The following URB1 variants were observed in gnomAD, a reference collection of about 807,000 sequenced individuals.
The protein encoded by URB1 is nucleolar pre-ribosomal-associated protein 1.
A neutral mutation model predicts 242.3 loss-of-function variants in URB1; 197 were observed. The ratio of observed to expected loss-of-function variants is 0.81; its 90% confidence interval spans 0.72 to 0.91. The LOEUF is 0.91. Ranked by LOEUF, URB1 falls within the 40% of genes least tolerant of loss-of-function variation. The pLI, the probability that URB1 is intolerant of heterozygous loss-of-function variation, is 0.00. For synonymous variants in URB1, 1,153 were observed against 1,201.8 expected (o/e 0.96, Z 0.84); for missense variants, 2,721 against 2,860.5 (o/e 0.95, Z 1.11).
Position 32,316,772 on chromosome 21 carries a change from C to T in URB1, c.6328G>A (p.Glu2110Lys), listed in dbSNP as rs1429129957. ...GCCTCTGCCCTGCTGAGCGGGTGCT[C>T]GGCCACCGACCGCAGCACCCAACTG... ...AVSWVLRSVA[E>K]HPLSRAEAAG... Residue 2110 changes from glutamate to lysine, a missense_variant, in exon 38 of 39, where the codon GAG becomes AAG. By Grantham distance (56) the Glu-to-Lys change is moderately conservative (BLOSUM62 1). Coordinates refer to ENST00000382751, the MANE Select transcript of URB1 (RefSeq NM_014825.3). The T allele has an allele frequency of 9.0e-6, 14 of 1,549,790 alleles. No homozygotes were observed. In the East Asian group the frequency reaches 2.0e-4, roughly 22 times the overall value.
chr21:32,353,284 T>C (rs2033179907), intron 18 of URB1, among the ~76,000 whole-genome samples: 1 of 152,166 alleles, frequency 6.6e-6, no homozygotes, highest in African/African-American at 2.4e-5. Flanking sequence ...TTCCAGGCCA[T>C]AACACCCCTT....
intron 34 of URB1, 131 bp from the exon 35 acceptor site, chr21:32,320,771 G>A: frequency 1.4e-6 from 1 of 690,810 alleles, no homozygotes; most frequent in Non-Finnish European, 2.5e-6. Flanking sequence ...GCTTTGCTAA[G>A]TCCGTCAGAG....
chr21:32,370,851 G>A (rs1241368983), intron 8 of URB1, among the ~76,000 whole-genome samples: 2 of 152,132 alleles, frequency 1.3e-5, no homozygotes, highest in East Asian at 3.9e-4. Flanking sequence ...GCCCTTTGTA[G>A]AAAAGTTTGC....
rs897283680 is a variant in URB1 at position 32,312,946 on chromosome 21, A to G, written c.*1972T>C. The G allele has an allele frequency of 1.3e-5, 2 of 152,212 alleles. No homozygotes were observed. The highest frequency in any genetic ancestry group is 4.8e-5 in the African/African-American group (2 of 41,446). The allele number at this position is 152,212 out of a possible 1,614,324, so 9.4% of individuals were successfully genotyped here. On this transcript the variant is annotated 3_prime_UTR_variant, in exon 39 of 39. Transcript: ENST00000382751. ...CCATGGGATGAGATTCCCTTCCTCC[A>G]CACTAAGTGACTGGAAAATACACGA... is the stretch of plus-strand genomic sequence containing the variant.
Position 32,312,216 on chromosome 21 carries a change from T to C in URB1, c.*2702A>G, listed in dbSNP as rs1436041534. 3 of 1,455,054 alleles carry C rather than the reference T, an allele frequency of 2.1e-6. No individual in the cohort carries two copies. In the African/African-American group the frequency reaches 4.3e-5, roughly 21 times the overall value. The allele number at this position is 1,455,054 out of a possible 1,614,324, so 90.1% of individuals were successfully genotyped here. On this transcript the variant is annotated 3_prime_UTR_variant, in exon 39 of 39. Transcript: ENST00000382751. Reference sequence around the variant, plus strand: ...TGTTGCTGAGTTTATTGAGCACACCTAGCCTGCTTGCTTACTGCTTATATT... The same window carrying C: ...TGTTGCTGAGTTTATTGAGCACACCCAGCCTGCTTGCTTACTGCTTATATT...
At position 32,372,378 on chromosome 21, in the gene URB1, C is replaced by T; in HGVS notation, c.1001+129G>A. On this transcript the variant is annotated intron_variant, in intron 8 of 38. Coordinates refer to ENST00000382751, the MANE Select transcript of URB1 (RefSeq NM_014825.3). ...GTTCTCTGGGACTACAACTGTTCAA[C>T]CCTGAAACGAGTTAGATAATGTCCA... The T allele has an allele frequency of 5.5e-6, 7 of 1,282,456 alleles. No individual in the cohort carries two copies. In the South Asian group the frequency reaches 9.8e-5, roughly 18 times the overall value. 79.4% of individuals were successfully genotyped at this position (1,282,456 alleles called of 1,614,324 possible). A position where few individuals can be genotyped will look rare whatever the true frequency, so the allele number is the denominator to read the frequency against.
Position 32,316,693 on chromosome 21 carries a change from A to C in URB1, c.6407T>G (p.Val2136Gly), listed in dbSNP as rs1369112625. 1 of 1,551,340 alleles carries C rather than the reference A, an allele frequency of 6.4e-7. No homozygotes were observed. The highest frequency in any genetic ancestry group is 2.4e-5 in the East Asian group (1 of 40,934). Residue 2136 changes from valine to glycine, a missense_variant, in exon 38 of 39, where the codon GTG becomes GGG. Coordinates refer to ENST00000382751, the MANE Select transcript of URB1 (RefSeq NM_014825.3). ...KSHILPHPVV[V>G]ADLLKDSAVR... is the part of the protein sequence containing the mutation. ...GGCACTGTCCTTAAGGAGGTCAGCC[A>C]CGACCACAGGGTGTGGCAAAATATG...
At chr21:32,388,670 T>C (rs1296564378) in intron 1 of URB1, among the ~76,000 whole-genome samples, 4 of 152,198 alleles carry the variant, frequency 2.6e-5, no homozygotes, top group Non-Finnish European at 4.4e-5. Flanking sequence ...GAGTTATGCA[T>C]ACCTACTCTG....
chr21:32,319,927 G>C (rs1021881969), intron 35 of URB1, among the ~76,000 whole-genome samples: 2 of 152,342 alleles, frequency 1.3e-5, no homozygotes, highest in Admixed American at 6.5e-5. Flanking sequence ...ATAGTAGTTA[G>C]TTCTTTGTAA....
chr21:32,386,588 A>G (rs112746936), intron 1 of URB1, among the ~76,000 whole-genome samples: 2 of 152,230 alleles, frequency 1.3e-5, no homozygotes, highest in African/African-American at 2.4e-5. Context: ...CTGAGTGCCA[A>G]TGTGACTCCC....
rs978792234 is a variant in URB1, at chr21:32,366,834, T to G, written c.1198-79A>C. On this transcript the variant is annotated intron_variant, in intron 9 of 38. Coordinates refer to ENST00000382751, the MANE Select transcript of URB1 (RefSeq NM_014825.3). Reference sequence around the variant, plus strand: ...GAGACTAGCTGTAGGCACCCAAAGGTGAAGCCATTCAATCAAATAATTATA... The same window carrying G: ...GAGACTAGCTGTAGGCACCCAAAGGGGAAGCCATTCAATCAAATAATTATA... 71 of 1,444,364 alleles carry G rather than the reference T, an allele frequency of 4.9e-5. No homozygotes were observed. In the African/African-American group the frequency reaches 9.1e-4, roughly 19 times the overall value. 89.5% of individuals were successfully genotyped at this position (1,444,364 alleles called of 1,614,324 possible).
At position 32,340,553 on chromosome 21, in the gene URB1, C is replaced by T. The variant is rs533889666; in HGVS notation, c.4316+913G>A. Among the ~76,000 whole-genome samples, 11 of 152,052 alleles carry T rather than the reference C, an allele frequency of 7.2e-5. No homozygotes were observed. The East Asian group carries it at 7.7e-4, about 11-fold the overall frequency. On this transcript the variant is annotated intron_variant, in intron 25 of 38. Coordinates refer to ENST00000382751, the MANE Select transcript of URB1 (RefSeq NM_014825.3). ...ACTTGAACCTGGGAGACAGATGCTG[C>T]AGTAAGCCGAGATCACACCATTGTA...
chr21:32,368,381 T>C, intron 9 of URB1, 22 bp downstream of exon 9: 5 of 1,515,868 alleles, frequency 3.3e-6, no homozygotes, highest in Non-Finnish European at 4.4e-6. Context: ...CTAACAGACT[T>C]TTAAATATCA....
In URB1 at chr21:32,369,731, T is replaced by C. The variant is rs115363367; in HGVS notation, c.1002-1133A>G. On this transcript the variant is annotated intron_variant, in intron 8 of 38. Coordinates refer to ENST00000382751, the MANE Select transcript of URB1 (RefSeq NM_014825.3). ...GACAAGACAGCACGAGGTCTTTGCA[T>C]GGACCTTCTGCCTTCCCTGTTTCTA... is the stretch of plus-strand genomic sequence containing the variant. Among the ~76,000 whole-genome samples the C allele has an allele frequency of 2.0e-5, 3 of 152,318 alleles. No individual in the cohort carries two copies. In the East Asian group the frequency reaches 5.8e-4, roughly 29 times the overall value.
intron 10 of URB1, among the ~76,000 whole-genome samples, chr21:32,365,244 A>C (rs1364519392): frequency 1.3e-5 from 2 of 152,194 alleles, no homozygotes; most frequent in Non-Finnish European, 2.9e-5. Context: ...CAGGAGTTTG[A>C]AACCAGCCTG....
At position 32,350,928 on chromosome 21, in the gene URB1, G is replaced by C. The variant is rs766359770; in HGVS notation, c.2614-6C>G. 6 of 1,542,328 alleles carry C rather than the reference G, an allele frequency of 3.9e-6. 1 individual carries two copies. The South Asian group carries it at 7.1e-5, about 18-fold the overall frequency. ...CTGCCCTGTGCCTGCAGCAGCTGAG[G>C]GAGACAGCAAAAGGCCGGGGAAGAG... is the stretch of plus-strand genomic sequence containing the variant. On this transcript the variant is annotated splice_region_variant and splice_polypyrimidine_tract_variant and intron_variant, in intron 19 of 38. Transcript: ENST00000382751.
At position 32,320,654 on chromosome 21, in the gene URB1, A is replaced by T; in HGVS notation, c.5485-14T>A. On this transcript the variant is annotated splice_polypyrimidine_tract_variant and intron_variant, in intron 34 of 38. Coordinates refer to ENST00000382751, the MANE Select transcript of URB1 (RefSeq NM_014825.3). ...CAGAATCCAATTCTGAAAACCCCAA[A>T]CAAGAAGTTACTCTTCAGTGAGAAA... 6.5e-7 allele frequency: 1 copy of T among 1,528,330 alleles called. No individual in the cohort carries two copies. The highest frequency in any genetic ancestry group is 1.2e-5 in the South Asian group (1 of 83,106). The allele number at this position is 1,528,330 out of a possible 1,614,324, so 94.7% of individuals were successfully genotyped here.
At chr21:32,318,980 A>G (rs557817026) in intron 36 of URB1, among the ~76,000 whole-genome samples, 2 of 152,328 alleles carry the variant, frequency 1.3e-5, no homozygotes, top group African/African-American at 4.8e-5. Flanking sequence ...AAGTATGTTA[A>G]GTTCTCGGGG....
chr21:32,392,720 G>A (rs1211121641), intron 1 of URB1, 49 bp downstream of exon 1: 3 of 1,366,410 alleles, frequency 2.2e-6, no homozygotes, highest in South Asian at 1.7e-5. Flanking sequence ...CACGGAGGCC[G>A]CCTCGCCAGC....
Sources: gnomAD v4.1 joint callset for allele counts (sites outside exome capture counted in the v4.1 genomes callset) on GRCh38, gnomAD v4.1.1 for gene constraint, MANE v1.5 for transcripts, NCBI Gene and HGNC (gene_info 2026-07-23, HGNC 2026-07-21) for gene names.